The following FBXL4 variants were observed in gnomAD, a reference collection of about 807,000 sequenced individuals.
The protein encoded by FBXL4 is F-box and leucine rich repeat protein 4.
In FBXL4, 40 loss-of-function variants were observed where a neutral mutation model predicts 58.9. The observed-to-expected ratio is 0.68, with a 90% CI of 0.53 to 0.88. FBXL4 has a LOEUF of 0.88. FBXL4 is among the 40% of genes least tolerant of loss of function. FBXL4 has a pLI of 0.00. For synonymous variants in FBXL4, 263 were observed against 265.5 expected, an observed-to-expected ratio of 0.99 and a Z score of 0.09; for missense variants, 676 against 734.4, an observed-to-expected ratio of 0.92 and a Z score of 0.92.
At chr6:98,910,128 C>A (rs1771976010) in intron 5 of FBXL4, among the ~76,000 whole-genome samples, 1 of 152,138 alleles carries the variant, frequency 6.6e-6, no homozygotes, top group Non-Finnish European at 1.5e-5. Flanking sequence ...AAAAAGAAAA[C>A]TGATATACAT....
intron 3 of FBXL4, 113 bp from the exon 4 acceptor site, chr6:98,927,173 A>G: frequency 1.9e-6 from 1 of 536,348 alleles, no homozygotes; most frequent in Non-Finnish European, 3.2e-6. Context: ...ATGAAACTAA[A>G]AAAACAAGTT....
chr6:98,892,773 T>C (rs188399543), intron 7 of FBXL4, among the ~76,000 whole-genome samples: 8 of 152,322 alleles, frequency 5.3e-5, no homozygotes, highest in Non-Finnish European at 8.8e-5. Context: ...TTCTAGTTCA[T>C]GAAGATAAAA....
chr6:98,902,416 T>C (rs1206411934), intron 6 of FBXL4, among the ~76,000 whole-genome samples: 7 of 152,104 alleles, frequency 4.6e-5, no homozygotes, highest in Non-Finnish European at 8.8e-5. Flanking sequence ...CTTAAAATGG[T>C]CTCTACTTTC....
Position 98,917,609 on chromosome 6 carries a change from TC to T in FBXL4, c.622del (p.Glu208LysfsTer2). On this transcript the variant is annotated frameshift_variant, in exon 5 of 10. Transcript: ENST00000369244. LOFTEE classifies it high-confidence loss of function. ...ATATTCCAGAAGAGAACTATTTACT[TC>T]CAGTCGTATAAGATTTGTGGGGAAA... ...INFPTNLIRL[E>X]VNSSLLEYYT... is the part of the protein sequence containing the mutation. 1 of 1,614,014 alleles carries T rather than the reference TC, an allele frequency of 6.2e-7. No homozygotes were observed. The highest frequency in any genetic ancestry group is 8.5e-7 in the Non-Finnish European group (1 of 1,179,916).
At chr6:98,905,915 A>G (rs926394969) in intron 5 of FBXL4, among the ~76,000 whole-genome samples, 1 of 152,194 alleles carries the variant, frequency 6.6e-6, no homozygotes, top group African/African-American at 2.4e-5. Flanking sequence ...CTTAGGTGCA[A>G]AGATACACTT....
At chr6:98,941,066 A>G (rs1305944992) in intron 1 of FBXL4, among the ~76,000 whole-genome samples, 1 of 152,150 alleles carries the variant, frequency 6.6e-6, no homozygotes, top group Non-Finnish European at 1.5e-5. Flanking sequence ...TCCCATTCCG[A>G]GGTATTTACT....
chr6:98,887,757 G>A (rs1401773807), intron 7 of FBXL4, among the ~76,000 whole-genome samples: 1 of 152,162 alleles, frequency 6.6e-6, no homozygotes, highest in Non-Finnish European at 1.5e-5. Flanking sequence ...TGATGGTAAT[G>A]GAAAGAACAA....
intron 7 of FBXL4, among the ~76,000 whole-genome samples, chr6:98,881,719 T>C (rs1770861284): frequency 6.6e-6 from 1 of 152,116 alleles, no homozygotes; most frequent in Non-Finnish European, 1.5e-5. Flanking sequence ...AGTCTAATTA[T>C]TTCATTATTG....
At chr6:98,935,970 T>TA (rs1029094235) in intron 1 of FBXL4, among the ~76,000 whole-genome samples, 1 of 152,156 alleles carries the variant, frequency 6.6e-6, no homozygotes, top group African/African-American at 2.4e-5. Flanking sequence ...TTTTGTTTGT[T>TA]AAAGTCATAC....
At chr6:98,887,639 A>C (rs1771084602) in intron 7 of FBXL4, among the ~76,000 whole-genome samples, 1 of 151,934 alleles carries the variant, frequency 6.6e-6, no homozygotes, top group East Asian at 1.9e-4. Context: ...CAGCTTGAAA[A>C]GGAATTAACA....
chr6:98,942,144 G>A (rs1360460616), intron 1 of FBXL4, among the ~76,000 whole-genome samples: 1 of 151,406 alleles, frequency 6.6e-6, no homozygotes, highest in Non-Finnish European at 1.5e-5. Context: ...TTCTAGATAT[G>A]CAAGTATACT....
At chr6:98,932,279 C>A (rs556544961) in intron 2 of FBXL4, among the ~76,000 whole-genome samples, 2 of 152,206 alleles carry the variant, frequency 1.3e-5, no homozygotes, top group South Asian at 2.1e-4. Flanking sequence ...GTGAGAAATT[C>A]TCTACACTGA....
chr6:98,880,991 A>G (rs985821048), intron 7 of FBXL4, among the ~76,000 whole-genome samples: 1 of 152,114 alleles, frequency 6.6e-6, no homozygotes, highest in Non-Finnish European at 1.5e-5. Flanking sequence ...AAAAACAAAA[A>G]CAAAAAGACA....
intron 1 of FBXL4, among the ~76,000 whole-genome samples, chr6:98,938,825 G>C (rs1050535592): frequency 8.6e-5 from 13 of 151,996 alleles, no homozygotes; most frequent in African/African-American, 3.1e-4. Context: ...GCTCATGCCT[G>C]TAATCCCAGT....
rs1770519824 is a variant in FBXL4 at position 98,872,566 on chromosome 6, T to G, written c.*1712A>C. The G allele has an allele frequency of 6.6e-6, 1 of 152,212 alleles. No homozygotes were observed. Among genetic ancestry groups the G allele is most frequent in the South Asian group, 2.1e-4 (1 of 4,836 alleles). 9.4% of individuals were successfully genotyped at this position (152,212 alleles called of 1,614,324 possible). A position where few individuals can be genotyped will look rare whatever the true frequency, so the allele number is the denominator to read the frequency against. On this transcript the variant is annotated 3_prime_UTR_variant, in exon 10 of 10. Coordinates refer to ENST00000369244, the MANE Select transcript of FBXL4 (RefSeq NM_001278716.2). ...AAAAAAATTGTTCTAAATTATTGTT[T>G]TGAATTTTGTCAATAAAATTTTCGT...
chr6:98,935,561 G>A (rs1349151057), intron 1 of FBXL4, among the ~76,000 whole-genome samples: 1 of 151,094 alleles, frequency 6.6e-6, no homozygotes, highest in African/African-American at 2.4e-5. Context: ...AGGCCGAGGC[G>A]GGTGGATCAT....
intron 7 of FBXL4, among the ~76,000 whole-genome samples, chr6:98,882,425 C>T (rs1335324865): frequency 3.3e-5 from 5 of 151,952 alleles, no homozygotes; most frequent in Admixed American, 6.6e-5. Flanking sequence ...AATGGTATTA[C>T]GATGTGAATA....
rs1562245519 is a variant in FBXL4, at chr6:98,926,842, T to C, written c.147A>G (p.Ala49=). The stretch of plus-strand genomic sequence containing the variant: ...CTTCTTTGGCATACTGGACTACCTC[T>C]GCATTGAGAGGGGAAGTCTGGCTGT... The part of the protein sequence containing the change: ...ESNSQTSPLN[A]EVVQYAKEVV... The change falls in exon 4 of 10, where the codon GCA becomes GCG. Residue 49 remains alanine, a synonymous_variant. Transcript: ENST00000369244. 1 of 1,614,212 alleles carries C rather than the reference T, an allele frequency of 6.2e-7. No homozygotes were observed. The highest frequency in any genetic ancestry group is 2.2e-5 in the East Asian group (1 of 44,884).
At chr6:98,887,034 A>G (rs1771064298) in intron 7 of FBXL4, among the ~76,000 whole-genome samples, 1 of 152,198 alleles carries the variant, frequency 6.6e-6, no homozygotes, top group African/African-American at 2.4e-5. Flanking sequence ...GGACAGCTTG[A>G]GCCCAGGATT....
Sources: gnomAD v4.1 joint callset for allele counts (sites outside exome capture counted in the v4.1 genomes callset) on GRCh38, gnomAD v4.1.1 for gene constraint, MANE v1.5 for transcripts, NCBI Gene and HGNC (gene_info 2026-07-23, HGNC 2026-07-21) for gene names.